Variants in EEFSEC observed in about 807,000 individuals in gnomAD.
EEFSEC encodes selenocysteine-specific elongation factor.
Under a neutral mutation model 42.1 loss-of-function variants are expected in EEFSEC, and 43 were observed. The ratio of observed to expected loss-of-function variants is 1.02; its 90% confidence interval spans 0.80 to 1.32. EEFSEC has a LOEUF of 1.32. EEFSEC is among the 40% of genes most tolerant of loss of function. The probability of loss-of-function intolerance (pLI) is 0.00; values close to 1 mark genes in which losing one functional copy is unlikely to be tolerated. For synonymous variants in EEFSEC, 354 were observed against 339.1 expected, an observed-to-expected ratio of 1.04 and a Z score of -0.48; for missense variants, 745 against 803.6, an observed-to-expected ratio of 0.93 and a Z score of 0.88.
chr3:128,405,500 G>A (rs2068098167), intron 6 of EEFSEC, among the ~76,000 whole-genome samples: 1 of 152,228 alleles, frequency 6.6e-6, no homozygotes, highest in Non-Finnish European at 1.5e-5. Flanking sequence ...GGGGCTTCCA[G>A]TAAGTCACTG....
chr3:128,241,201 CTTTTTTTTT>C (rs373420882), intron 1 of EEFSEC, among the ~76,000 whole-genome samples: 6 of 80,668 alleles, frequency 7.4e-5, no homozygotes, highest in South Asian at 5.7e-4. Context: ...CTCTCTCTCT[CTTTTTTTTT>C]TTTTTTTTTT....
At chr3:128,352,486 G>A (rs2067400071) in intron 5 of EEFSEC, among the ~76,000 whole-genome samples, 1 of 152,220 alleles carries the variant, frequency 6.6e-6, no homozygotes, top group South Asian at 2.1e-4. Flanking sequence ...AGCCACTGCT[G>A]TGCTGAGAGA....
chr3:128,326,732 T>C (rs1290233671), intron 4 of EEFSEC, among the ~76,000 whole-genome samples: 1 of 152,240 alleles, frequency 6.6e-6, no homozygotes, highest in East Asian at 1.9e-4. Context: ...TTACATTTAA[T>C]TGACTAGAAA....
chr3:128,317,353 G>C lies in EEFSEC; in HGVS notation c.787-23880G>C, dbSNP rs1020993635. 6.6e-6 allele frequency among the ~76,000 whole-genome samples: 1 copy of C among 152,194 alleles called. No individual in the cohort carries two copies. Among genetic ancestry groups the C allele is most frequent in the African/African-American group, 2.4e-5 (1 of 41,460 alleles). ...GTAAGCCTGGCCTGTTCTCCGCCCCGCTGCTGGAGCTCAGACGCTCACTCT... is the reference window on the plus strand; with the variant it reads ...GTAAGCCTGGCCTGTTCTCCGCCCCCCTGCTGGAGCTCAGACGCTCACTCT... On this transcript the variant is annotated intron_variant, in intron 4 of 6. Coordinates refer to ENST00000254730, the MANE Select transcript of EEFSEC (RefSeq NM_021937.5). This position sits in a 1 kb window ranked among gnomAD's most constrained non-coding sequence, Gnocchi z 4.1.
In EEFSEC at chr3:128,232,112, T is replaced by C. The variant is rs1277850904; in HGVS notation, c.317-14724T>C. Among the ~76,000 whole-genome samples the C allele has an allele frequency of 4.6e-5, 7 of 152,292 alleles. No homozygotes were observed. In the East Asian group the frequency reaches 1.4e-3, roughly 29 times the overall value. ...CTGCCAAAATCCTGTATAACTCGTATCATCTCCCAAGCTGTTATAGTATAT... is the reference window on the plus strand; with the variant it reads ...CTGCCAAAATCCTGTATAACTCGTACCATCTCCCAAGCTGTTATAGTATAT... On this transcript the variant is annotated intron_variant, in intron 1 of 6. Coordinates refer to ENST00000254730, the MANE Select transcript of EEFSEC (RefSeq NM_021937.5).
At chr3:128,413,504 G>A (rs373283427), downstream of EEFSEC, among the ~76,000 whole-genome samples, 8 of 152,152 alleles carry the variant, frequency 5.3e-5, no homozygotes, top group Admixed American at 2.0e-4. Context: ...GGAGGCTGTC[G>A]GGCCGGCCCC....
chr3:128,413,318 G>T (rs942317013), downstream of EEFSEC, among the ~76,000 whole-genome samples: 12 of 152,154 alleles, frequency 7.9e-5, no homozygotes, highest in African/African-American at 2.9e-4. Flanking sequence ...CTGGGTACAG[G>T]CCCTGCCACT....
chr3:128,311,220 T>C (rs771977651), intron 4 of EEFSEC, among the ~76,000 whole-genome samples: 14 of 152,246 alleles, frequency 9.2e-5, no homozygotes, highest in Non-Finnish European at 2.1e-4. Context: ...AAATCTGACC[T>C]TTCTGCAATT....
At chr3:128,413,819 GC>G in the EEFSEC span, among the ~76,000 whole-genome samples, 1 of 152,206 alleles carries the variant, frequency 6.6e-6, no homozygotes, top group African/African-American at 2.4e-5. Flanking sequence ...CACCTGGCGG[GC>G]CCCAGCATCC....
At chr3:128,396,583 TG>T (rs1229681801) in intron 6 of EEFSEC, among the ~76,000 whole-genome samples, 1 of 152,132 alleles carries the variant, frequency 6.6e-6, no homozygotes, top group Non-Finnish European at 1.5e-5. Flanking sequence ...TGCTGAGAGC[TG>T]GGACTGGTTC....
chr3:128,198,731 AG>A (rs1424925336), intron 1 of EEFSEC, among the ~76,000 whole-genome samples: 1 of 152,158 alleles, frequency 6.6e-6, no homozygotes, highest in East Asian at 1.9e-4. Flanking sequence ...CACACAATGC[AG>A]AGGGAGGGAA....
At chr3:128,236,959 T>A (rs554864580) in intron 1 of EEFSEC, among the ~76,000 whole-genome samples, 1 of 152,270 alleles carries the variant, frequency 6.6e-6, no homozygotes, top group Non-Finnish European at 1.5e-5. Flanking sequence ...AGTTCTCGAT[T>A]GCAAGGGGTA....
chr3:128,212,228 A>G (rs1390907164), intron 1 of EEFSEC, among the ~76,000 whole-genome samples: 1 of 152,102 alleles, frequency 6.6e-6, no homozygotes, highest in African/African-American at 2.4e-5. Flanking sequence ...AACGTCTATG[A>G]TTTCTTTGGA....
intron 4 of EEFSEC, among the ~76,000 whole-genome samples, chr3:128,280,439 G>T (rs1400028020): frequency 6.6e-6 from 1 of 152,218 alleles, no homozygotes; most frequent in African/African-American, 2.4e-5. Flanking sequence ...CCCTCACTCG[G>T]CTTTGGCCTG....
chr3:128,295,621 C>CTTTTTTTTT (rs2066696867), intron 4 of EEFSEC, among the ~76,000 whole-genome samples: 1 of 141,216 alleles, frequency 7.1e-6, no homozygotes, highest in African/African-American at 2.6e-5. Context: ...TTAAATCTTC[C>CTTTTTTTTT]TTGGGGCTGG....
chr3:128,385,335 C>T (rs567382643), intron 6 of EEFSEC, among the ~76,000 whole-genome samples: 2 of 152,210 alleles, frequency 1.3e-5, no homozygotes, highest in Non-Finnish European at 1.5e-5. Flanking sequence ...GTGTGGTGTA[C>T]AGGGACCATA....
rs1016563798 is a variant in EEFSEC at position 128,281,573 on chromosome 3, G to A, written c.786+16792G>A. Among the ~76,000 whole-genome samples, 4 of 152,290 alleles carry A rather than the reference G, an allele frequency of 2.6e-5. No individual in the cohort carries two copies. The East Asian group carries it at 7.7e-4, about 29-fold the overall frequency. ...GAATCCCAAAACGCCAGGCAGTAAG[G>A]GGTTTGGGCCTGGCTCCAGGAAGTT... On this transcript the variant is annotated intron_variant, in intron 4 of 6. Transcript: ENST00000254730.
chr3:128,224,805 G>C (rs762010058), intron 1 of EEFSEC, among the ~76,000 whole-genome samples: 30 of 152,162 alleles, frequency 2.0e-4, no homozygotes, highest in Non-Finnish European at 4.3e-4. Flanking sequence ...CTTGAAAAAT[G>C]TTCTTCAAAT....
At chr3:128,267,082 G>C (rs923708174) in intron 4 of EEFSEC, among the ~76,000 whole-genome samples, 1 of 152,056 alleles carries the variant, frequency 6.6e-6, no homozygotes, top group Non-Finnish European at 1.5e-5. Context: ...AGGGCTCTCT[G>C]GGGGGTGGGG....
Sources: allele counts gnomAD v4.1 joint callset (sites outside exome capture counted in the v4.1 genomes callset), GRCh38; gene constraint gnomAD v4.1.1; non-coding constraint Gnocchi (gnomAD v3.1); transcripts MANE v1.5; gene names NCBI Gene and HGNC (gene_info 2026-07-23, HGNC 2026-07-21).